Variants in ATP6V0A1 observed in about 807,000 individuals in gnomAD.
ATP6V0A1 encodes the protein ATPase H+ transporting V0 subunit a1.
A neutral mutation model predicts 105.4 loss-of-function variants in ATP6V0A1; 43 were observed. The observed-to-expected ratio is 0.41, with a 90% CI of 0.32 to 0.53. The LOEUF is 0.53. Ranked by LOEUF, ATP6V0A1 falls within the 20% of genes least tolerant of loss-of-function variation. The probability of loss-of-function intolerance (pLI) is 0.30; values close to 1 mark genes in which losing one functional copy is unlikely to be tolerated. For missense variants in ATP6V0A1, 676 were observed against 1,051.1 expected (o/e 0.64, Z 4.93); for synonymous variants, 362 against 372.8 (o/e 0.97, Z 0.33).
chr17:42,491,807 CAG>C (rs1645269284), intron 11 of ATP6V0A1, among the ~76,000 whole-genome samples: 1 of 150,798 alleles, frequency 6.6e-6, no homozygotes, highest in East Asian at 2.0e-4. Context: ...TTAGTAGAGA[CAG>C]GGTTTCACTG....
chr17:42,480,782 A>G, intron 8 of ATP6V0A1, 33 bp downstream of exon 8: 2 of 1,591,870 alleles, frequency 1.3e-6, no homozygotes, highest in Non-Finnish European at 1.7e-6. Flanking sequence ...AGGAGTGCAC[A>G]GCCATGCTGC....
Position 42,504,329 on chromosome 17 carries a change from GT to G in ATP6V0A1, c.2004+3026del, listed in dbSNP as rs1419336900. Among the ~76,000 whole-genome samples the G allele has an allele frequency of 2.0e-5, 3 of 152,018 alleles. No homozygotes were observed. In the South Asian group the frequency reaches 6.2e-4, roughly 32 times the overall value. ...ACATGTGTCTCTCATCCCCCTTCCT[GT>G]AACTCTCATTCCTGTGTTCTGAAGA... On this transcript the variant is annotated intron_variant, in intron 17 of 21. Transcript: ENST00000343619.
chr17:42,520,831 C>A, intron 21 of ATP6V0A1, 196 bp from the exon 22 acceptor site: 1 of 584,522 alleles, frequency 1.7e-6, no homozygotes, highest in Non-Finnish European at 3.1e-6. Flanking sequence ...GGGCAAATCC[C>A]TTCCTCCGTG....
intron 5 of ATP6V0A1, 198 bp downstream of exon 5, chr17:42,470,416 T>C: frequency 1.8e-6 from 1 of 550,192 alleles, no homozygotes; most frequent in Non-Finnish European, 3.1e-6. Context: ...TTGCATTTTT[T>C]CACATTTTCT....
intron 8 of ATP6V0A1, 86 bp downstream of exon 8, chr17:42,480,835 C>G (rs2089405098): frequency 8.2e-7 from 1 of 1,217,290 alleles, no homozygotes; most frequent in African/African-American, 1.5e-5. Flanking sequence ...AAATACAAAT[C>G]CTTTTTAGTC....
intron 3 of ATP6V0A1, among the ~76,000 whole-genome samples, chr17:42,467,324 A>G (rs2087221366): frequency 6.6e-6 from 1 of 152,204 alleles, no homozygotes; most frequent in Non-Finnish European, 1.5e-5. Flanking sequence ...GATCATAAAC[A>G]GTTATGATGG....
At chr17:42,467,359 T>G (rs2087227862) in intron 3 of ATP6V0A1, among the ~76,000 whole-genome samples, 1 of 152,152 alleles carries the variant, frequency 6.6e-6, no homozygotes, top group Non-Finnish European at 1.5e-5. Context: ...GCCAGGTTGC[T>G]CTCTCTGGCT....
At chr17:42,490,422 C>G (rs1002023631) in intron 10 of ATP6V0A1, 65 bp from the exon 11 acceptor site, 1 of 1,442,334 alleles carries the variant, frequency 6.9e-7, no homozygotes, top group Non-Finnish European at 9.2e-7. Context: ...AAATGTACAC[C>G]TGTGTAACCA....
chr17:42,518,275 G>A (rs1219324600), intron 21 of ATP6V0A1: 1 of 152,074 alleles, frequency 6.6e-6, no homozygotes, highest in Non-Finnish European at 1.5e-5. Flanking sequence ...CACAGATTGG[G>A]TGGTGATTAA....
intron 10 of ATP6V0A1, among the ~76,000 whole-genome samples, chr17:42,488,384 T>C (rs1373405894): frequency 6.6e-6 from 1 of 152,202 alleles, no homozygotes; most frequent in Non-Finnish European, 1.5e-5. Context: ...TTAGAAGATT[T>C]AAATTTTATT....
chr17:42,503,475 G>A (rs1389381481), intron 17 of ATP6V0A1, among the ~76,000 whole-genome samples: 1 of 152,130 alleles, frequency 6.6e-6, no homozygotes, highest in Non-Finnish European at 1.5e-5. Context: ...TAACCAAAGT[G>A]ATCTGTCTTG....
At chr17:42,462,299 G>A (rs1053687810) in intron 2 of ATP6V0A1, among the ~76,000 whole-genome samples, 1 of 151,940 alleles carries the variant, frequency 6.6e-6, no homozygotes, top group Non-Finnish European at 1.5e-5. Flanking sequence ...GAAACATTCC[G>A]TGTATAATTG....
intron 2 of ATP6V0A1, among the ~76,000 whole-genome samples, chr17:42,464,594 G>C (rs570317902): frequency 1.3e-5 from 2 of 151,984 alleles, no homozygotes; most frequent in African/African-American, 2.4e-5. Context: ...CAGTAGAGAC[G>C]GGGTTTCACT....
chr17:42,484,170 G>T (rs890362606), intron 9 of ATP6V0A1, among the ~76,000 whole-genome samples: 1 of 152,020 alleles, frequency 6.6e-6, no homozygotes, highest in African/African-American at 2.4e-5. Flanking sequence ...CCATTCTCCT[G>T]CCTCAGCCTC....
Position 42,500,769 on chromosome 17 carries a change from CTTTG to C in ATP6V0A1, c.1747_1750del (p.Phe583AlafsTer26). On this transcript the variant is annotated frameshift_variant, in exon 16 of 22. Transcript: ENST00000343619. LOFTEE classifies it high-confidence loss of function. ...ATTCCTGAAATAATCTTCATGACCT[CTTTG>C]TTTGGCTATTTGGTTATCCTTATTT... The C allele has an allele frequency of 6.2e-7, 1 of 1,614,040 alleles. No homozygotes were observed. The highest frequency in any genetic ancestry group is 8.5e-7 in the Non-Finnish European group (1 of 1,179,920).
chr17:42,477,587 C>G, intron 5 of ATP6V0A1, 73 bp from the exon 6 acceptor site: 1 of 1,502,362 alleles, frequency 6.7e-7, no homozygotes, highest in Non-Finnish European at 9.2e-7. Context: ...TTCCTCGTTG[C>G]CTGCATGCCA....
intron 9 of ATP6V0A1, among the ~76,000 whole-genome samples, chr17:42,486,884 G>C (rs2090162476): frequency 6.6e-6 from 1 of 152,166 alleles, no homozygotes; most frequent in South Asian, 2.1e-4. Context: ...CATTTGTTGT[G>C]CCTTGGATTG....
intron 5 of ATP6V0A1, among the ~76,000 whole-genome samples, chr17:42,472,136 C>T (rs539940875): frequency 3.4e-4 from 52 of 150,766 alleles, no homozygotes; most frequent in Middle Eastern, 6.8e-3. Context: ...TCACTGCAAC[C>T]TCCACCTCCC....
At chr17:42,501,958 T>G (rs143171405) in intron 17 of ATP6V0A1, among the ~76,000 whole-genome samples, 1 of 152,024 alleles carries the variant, frequency 6.6e-6, no homozygotes, top group African/African-American at 2.4e-5. Context: ...CGCTTGAATC[T>G]GAGAGGCGGA....
Sources: gnomAD v4.1 joint callset for allele counts (sites outside exome capture counted in the v4.1 genomes callset) on GRCh38, gnomAD v4.1.1 for gene constraint, MANE v1.5 for transcripts, NCBI Gene and HGNC (gene_info 2026-07-23, HGNC 2026-07-21) for gene names.